The following DHRSX variants were observed in gnomAD, a reference collection of about 807,000 sequenced individuals.
The protein encoded by DHRSX is dehydrogenase/reductase X-linked, also known as polyprenol dehydrogenase.
Under a neutral mutation model 34.0 loss-of-function variants are expected in DHRSX, and 31 were observed. That is an observed-to-expected ratio of 0.91 (90% confidence interval 0.69 to 1.23). The LOEUF (loss-of-function observed/expected upper bound fraction) is 1.23. Among genes scored for constraint, DHRSX ranks in the 50% most tolerant of loss-of-function variants. The pLI is 0.00. For missense variants in DHRSX, 414 were observed against 428.1 expected (o/e 0.97, Z 0.29); for synonymous variants, 201 against 183.8 (o/e 1.09, Z -0.76).
Position 2,233,279 on chromosome X carries a change from C to T in DHRSX, c.804+9744G>A, listed in dbSNP as rs768668867. ...TGGGCTTGCTTGGTGACGCCTTGTG[C>T]AGGGAAATGAAAGTTGTCTTCTGAA... On this transcript the variant is annotated intron_variant, in intron 6 of 6. Coordinates refer to ENST00000334651, the MANE Select transcript of DHRSX (RefSeq NM_145177.3). Among the ~76,000 whole-genome samples, 19 of 151,930 alleles carry T rather than the reference C, an allele frequency of 1.3e-4. No homozygotes were observed. In the East Asian group the frequency reaches 3.5e-3, roughly 28 times the overall value.
At chrX:2,304,057 A>ATGGATGGG (rs1211023190) in intron 3 of DHRSX, among the ~76,000 whole-genome samples, 1 of 94,214 alleles carries the variant, frequency 1.1e-5, no homozygotes, top group African/African-American at 3.6e-5. Flanking sequence ...GGATGGATGG[A>ATGGATGGG]TGGATGGGTG....
At chrX:2,331,428 GTTTTTTGGT>G (rs1435178147) in intron 3 of DHRSX, among the ~76,000 whole-genome samples, 2 of 87,078 alleles carry the variant, frequency 2.3e-5, no homozygotes, top group African/African-American at 1.0e-4. Flanking sequence ...TTTCAGGAAG[GTTTTTTGGT>G]TTTTTTTTTT....
chrX:2,253,832 G>A (rs780947178), intron 5 of DHRSX, among the ~76,000 whole-genome samples: 135 of 152,230 alleles, frequency 8.9e-4, no homozygotes, highest in African/African-American at 3.1e-3. Flanking sequence ...AGGCCGAGGC[G>A]GGCGGATCAC....
At chrX:2,357,455 T>C (rs1261872269) in intron 3 of DHRSX, among the ~76,000 whole-genome samples, 1 of 152,006 alleles carries the variant, frequency 6.6e-6, no homozygotes, top group Non-Finnish European at 1.5e-5. Flanking sequence ...ATCAACCTCA[T>C]CCTGATGAAA....
At chrX:2,257,117 A>C (rs2041290479) in intron 5 of DHRSX, among the ~76,000 whole-genome samples, 1 of 152,032 alleles carries the variant, frequency 6.6e-6, no homozygotes, top group African/African-American at 2.4e-5. Context: ...CCCCACGCCC[A>C]GCTAATTTTT....
chrX:2,286,940 G>C (rs1438057300), intron 4 of DHRSX, among the ~76,000 whole-genome samples: 1 of 152,228 alleles, frequency 6.6e-6, no homozygotes, highest in Non-Finnish European at 1.5e-5. Flanking sequence ...GAGCAGCACA[G>C]GCTGGGGAAT....
intron 3 of DHRSX, among the ~76,000 whole-genome samples, chrX:2,301,983 G>T (rs1352868535): frequency 6.6e-6 from 1 of 152,018 alleles, no homozygotes; most frequent in Admixed American, 6.6e-5. Context: ...GGGGTCCCGG[G>T]TCCCCAGAAC....
At chrX:2,363,982 TGGA>T (rs201145797) in intron 3 of DHRSX, among the ~76,000 whole-genome samples, 45,449 of 151,634 alleles carry the variant, frequency 0.3, 8,631 homozygotes, top group Non-Finnish European at 0.44. Flanking sequence ...CTGGGTGGGA[TGGA>T]GGAGATAAGG....
At chrX:2,230,612 C>T (rs1292653227) in intron 6 of DHRSX, among the ~76,000 whole-genome samples, 3 of 152,140 alleles carry the variant, frequency 2.0e-5, no homozygotes, top group South Asian at 2.1e-4. Flanking sequence ...TGCATTTAAG[C>T]GAAGGAGAGG....
chrX:2,329,308 A>G (rs1279489132), intron 3 of DHRSX, among the ~76,000 whole-genome samples: 3 of 152,156 alleles, frequency 2.0e-5, no homozygotes, highest in African/African-American at 7.2e-5. Flanking sequence ...AGGAATTCAA[A>G]AGAGGTTCTA....
chrX:2,336,143 G>A (rs2042558608), intron 3 of DHRSX, among the ~76,000 whole-genome samples: 1 of 151,858 alleles, frequency 6.6e-6, no homozygotes, highest in Admixed American at 6.6e-5. Context: ...AAGTAGCTGG[G>A]ACTACAGGCG....
chrX:2,318,631 T>C (rs2042269479), intron 3 of DHRSX, among the ~76,000 whole-genome samples: 1 of 145,106 alleles, frequency 6.9e-6, no homozygotes, highest in Admixed American at 6.8e-5. Context: ...GAAGTTACCC[T>C]ATAGGGTCTA....
chrX:2,424,957 T>A (rs771336797), intron 2 of DHRSX, among the ~76,000 whole-genome samples: 1 of 152,074 alleles, frequency 6.6e-6, no homozygotes, highest in East Asian at 1.9e-4. Context: ...CTGGCCAGCA[T>A]ATGGAAACTC....
intron 1 of DHRSX, among the ~76,000 whole-genome samples, chrX:2,492,083 G>A (rs1320135867): frequency 2.6e-5 from 4 of 152,210 alleles, no homozygotes; most frequent in Non-Finnish European, 5.9e-5. Flanking sequence ...GTCAGTGCAA[G>A]GAGGCATATT....
At chrX:2,404,949 C>A (rs1389038949) in intron 3 of DHRSX, among the ~76,000 whole-genome samples, 4 of 152,230 alleles carry the variant, frequency 2.6e-5, no homozygotes, top group African/African-American at 9.6e-5. Context: ...TCTGGCCAGG[C>A]TGCTGCCACT....
intron 3 of DHRSX, among the ~76,000 whole-genome samples, chrX:2,384,797 T>G (rs2043250795): frequency 6.7e-6 from 1 of 148,454 alleles, no homozygotes; most frequent in East Asian, 2.1e-4. Flanking sequence ...CATTGGGAGA[T>G]ATACCTAATG....
At chrX:2,239,957 T>C (rs1424539005) in intron 6 of DHRSX, among the ~76,000 whole-genome samples, 1 of 151,418 alleles carries the variant, frequency 6.6e-6, no homozygotes, top group Non-Finnish European at 1.5e-5. Context: ...CTTGAGGAAT[T>C]AGAGATGTGA....
intron 3 of DHRSX, among the ~76,000 whole-genome samples, chrX:2,310,561 TGAGAGA>T (rs780086507): frequency 9.0e-5 from 13 of 144,350 alleles, no homozygotes; most frequent in African/African-American, 3.0e-4. Flanking sequence ...TGTGTGTGTG[TGAGAGA>T]GAGAGAGAGA....
intron 3 of DHRSX, 28 bp from the exon 4 acceptor site, chrX:2,291,631 C>A (rs66538318): frequency 2.7e-5 from 41 of 1,528,318 alleles, no homozygotes; most frequent in Middle Eastern, 1.7e-4. Context: ...CAAAAAATAC[C>A]TGGTTATCTC....
Sources: allele counts gnomAD v4.1 joint callset (sites outside exome capture counted in the v4.1 genomes callset), GRCh38; gene constraint gnomAD v4.1.1; transcripts MANE v1.5; gene names NCBI Gene and HGNC (gene_info 2026-07-23, HGNC 2026-07-21).